Variants in AFF2 observed in about 807,000 individuals in gnomAD.
The protein encoded by AFF2 is ALF transcription elongation factor 2, also known as AF4/FMR2 family member 2.
AFF2 carries 14 observed loss-of-function variants against 76.9 expected under a neutral mutation model. The observed-to-expected ratio is 0.18, with a 90% confidence interval of 0.12 to 0.28. The LOEUF is 0.28. AFF2 is among the 10% of genes least tolerant of loss of function. The pLI is 1.00. For synonymous variants in AFF2, 398 were observed against 366.7 expected (o/e 1.09, Z -0.98); for missense variants, 868 against 1,001.1 (o/e 0.87, Z 1.79).
At chrX:148,866,433 G>A (rs2070908091) in intron 7 of AFF2, among the ~76,000 whole-genome samples, 1 of 112,248 alleles carries the variant, frequency 8.9e-6, no homozygotes, top group Non-Finnish European at 1.9e-5. Context: ...CACTAGTAGC[G>A]AACAAAGAAG....
chrX:148,958,325 TC>T lies in AFF2; in HGVS notation c.2569-9del, dbSNP rs1557287603. Reference sequence around the variant, plus strand: ...GCATTTCAAGCTCTGTGTATTTTTTTCCCTGTTAAAGCCAATAGAAGTTGCA... The same window carrying T: ...GCATTTCAAGCTCTGTGTATTTTTTTCCTGTTAAAGCCAATAGAAGTTGCA... On this transcript the variant is annotated splice_polypyrimidine_tract_variant and intron_variant, in intron 11 of 20. Coordinates refer to ENST00000370460, the MANE Select transcript of AFF2 (RefSeq NM_002025.4). The T allele has an allele frequency of 8.3e-7, 1 of 1,210,516 alleles. No individual in the cohort carries two copies.
chrX:148,592,225 T>C (rs1056861094), intron 1 of AFF2, among the ~76,000 whole-genome samples: 1 of 111,851 alleles, frequency 8.9e-6, no homozygotes, highest in Non-Finnish European at 1.9e-5. Flanking sequence ...CTTATAGTTA[T>C]ATGAACAGCA....
chrX:148,944,555 A>AT (rs11462442), intron 9 of AFF2, among the ~76,000 whole-genome samples: 5 of 109,438 alleles, frequency 4.6e-5, no homozygotes, highest in African/African-American at 1.7e-4. Context: ...GCTTTATATG[A>AT]TTTTTTTTCC....
intron 3 of AFF2, among the ~76,000 whole-genome samples, chrX:148,782,749 A>G (rs1557269187): frequency 8.9e-6 from 1 of 112,011 alleles, no homozygotes; most frequent in African/African-American, 3.2e-5. Flanking sequence ...ATTGCATTAA[A>G]TTACACCATT....
intron 3 of AFF2, among the ~76,000 whole-genome samples, chrX:148,709,171 A>G (rs2054926573): frequency 8.9e-6 from 1 of 111,856 alleles, no homozygotes. Flanking sequence ...TTCATTGTAG[A>G]TTAAAGCTTA....
chrX:148,969,345 A>G (rs1289112008), intron 15 of AFF2, among the ~76,000 whole-genome samples: 3 of 112,729 alleles, frequency 2.7e-5, no homozygotes, highest in African/African-American at 9.7e-5. Context: ...CACAGGGCAT[A>G]AAGAGAGAAT....
intron 4 of AFF2, among the ~76,000 whole-genome samples, chrX:148,818,294 T>C (rs184259259): frequency 1.8e-5 from 2 of 112,150 alleles, no homozygotes; most frequent in East Asian, 5.6e-4. Context: ...CAAAAAATAG[T>C]CTTTACATAT....
intron 1 of AFF2, among the ~76,000 whole-genome samples, chrX:148,588,428 CTG>C (rs1271857621): frequency 8.9e-6 from 1 of 112,401 alleles, no homozygotes; most frequent in Non-Finnish European, 1.9e-5. Flanking sequence ...CAGAGGGAAA[CTG>C]TTTATGGAGG....
intron 3 of AFF2, among the ~76,000 whole-genome samples, chrX:148,796,910 G>T (rs1381205302): frequency 1.9e-5 from 1 of 53,984 alleles, no homozygotes; most frequent in Non-Finnish European, 3.4e-5. Context: ...ACATAGTTGA[G>T]ATACTTTGGC....
At chrX:148,912,456 A>G (rs2071481517) in intron 9 of AFF2, among the ~76,000 whole-genome samples, 1 of 111,863 alleles carries the variant, frequency 8.9e-6, no homozygotes, top group South Asian at 3.7e-4. Context: ...AACTGGGCCT[A>G]TCTCAGGGTG....
At chrX:148,896,076 C>A (rs1417505215) in intron 8 of AFF2, among the ~76,000 whole-genome samples, 2 of 111,736 alleles carry the variant, frequency 1.8e-5, no homozygotes, top group African/African-American at 6.5e-5. Flanking sequence ...TCAGAATCCT[C>A]TGGGCATAAA....
intron 1 of AFF2, among the ~76,000 whole-genome samples, chrX:148,561,941 G>C (rs2053117754): frequency 9.0e-6 from 1 of 111,617 alleles, no homozygotes; most frequent in African/African-American, 3.3e-5. Context: ...TCAAATTAGA[G>C]AAGTAAAAGT....
chrX:148,771,636 T>A (rs1557268113), intron 3 of AFF2, among the ~76,000 whole-genome samples: 3 of 112,256 alleles, frequency 2.7e-5, no homozygotes, highest in African/African-American at 9.7e-5. Context: ...AAATATGTTT[T>A]CTCCTCTCAC....
At chrX:148,680,784 C>T (rs1432693670) in intron 3 of AFF2, among the ~76,000 whole-genome samples, 1 of 111,183 alleles carries the variant, frequency 9.0e-6, no homozygotes, top group Non-Finnish European at 1.9e-5. Flanking sequence ...TGCATGCTGG[C>T]AGGTGGATTT....
In AFF2 at chrX:148,784,879, C is replaced by T. The variant is rs1226529413; in HGVS notation, c.1042-24997C>T. ...CGGCTCCCAAACGGCTCACTGTCTC[C>T]ATGCACGGGCTGCCCCTCTCGGAGA... On this transcript the variant is annotated intron_variant, in intron 3 of 20. Coordinates refer to ENST00000370460, the MANE Select transcript of AFF2 (RefSeq NM_002025.4). Among the ~76,000 whole-genome samples the T allele has an allele frequency of 2.6e-4, 29 of 111,423 alleles. No individual in the cohort carries two copies. In the Admixed American group the frequency reaches 2.8e-3, roughly 11 times the overall value.
chrX:148,788,453 G>A (rs3790344), intron 3 of AFF2, among the ~76,000 whole-genome samples: 61,188 of 110,563 alleles, frequency 0.55, 14,580 homozygotes, highest in East Asian at 0.92. Context: ...CAGGTCAGAG[G>A]GTCCATCGCT....
intron 3 of AFF2, among the ~76,000 whole-genome samples, chrX:148,749,203 T>G (rs1603293883): frequency 9.0e-6 from 1 of 111,589 alleles, no homozygotes; most frequent in Admixed American, 9.5e-5. Flanking sequence ...CACAATATCA[T>G]CATTTTGCTG....
intron 7 of AFF2, among the ~76,000 whole-genome samples, chrX:148,858,648 C>T (rs782332430): frequency 1.1e-4 from 12 of 111,025 alleles, no homozygotes; most frequent in Middle Eastern, 4.7e-3. Flanking sequence ...AATATCAATT[C>T]GTTTTGTTCA....
intron 7 of AFF2, among the ~76,000 whole-genome samples, chrX:148,885,416 T>C (rs987091969): frequency 1.6e-4 from 18 of 111,367 alleles, no homozygotes; most frequent in African/African-American, 5.9e-4. Flanking sequence ...TGAAAGGCAG[T>C]GCAGGTTCAC....
Sources: allele counts gnomAD v4.1 joint callset (sites outside exome capture counted in the v4.1 genomes callset), GRCh38; gene constraint gnomAD v4.1.1; transcripts MANE v1.5; gene names NCBI Gene and HGNC (gene_info 2026-07-23, HGNC 2026-07-21).